The following LSAMP variants were observed in gnomAD, a reference collection of about 807,000 sequenced individuals.
The protein encoded by LSAMP is limbic system-associated membrane protein.
LSAMP carries 7 observed loss-of-function variants against 38.6 expected under a neutral mutation model. The ratio of observed to expected loss-of-function variants is 0.18; its 90% confidence interval spans 0.10 to 0.34. LSAMP has a LOEUF of 0.34. LSAMP is among the 10% of genes least tolerant of loss of function. The pLI is 1.00. For synonymous variants in LSAMP, 154 were observed against 166.8 expected (o/e 0.92, Z 0.59); for missense variants, 313 against 420.0 (o/e 0.75, Z 2.23).
At chr3:115,994,287 G>A (rs1939754938) in intron 3 of LSAMP, among the ~76,000 whole-genome samples, 1 of 152,050 alleles carries the variant, frequency 6.6e-6, no homozygotes, top group South Asian at 2.1e-4. Flanking sequence ...ACCACCTGGG[G>A]ATTTGTGAGG....
At chr3:115,837,120 C>T (rs902856185) in intron 6 of LSAMP, among the ~76,000 whole-genome samples, 4 of 152,122 alleles carry the variant, frequency 2.6e-5, no homozygotes, top group Admixed American at 2.6e-4. Context: ...TAATAAAATG[C>T]TTTTTAAAGA....
In LSAMP at chr3:115,810,286, T is replaced by C; in HGVS notation, c.*31A>G. ...ATTCTGTGTGACGCATTTTTGTGTG[T>C]TTTTTAAATTATTTTTAAATTTTTA... is the stretch of plus-strand genomic sequence containing the variant. On this transcript the variant is annotated 3_prime_UTR_variant, in exon 7 of 7. Transcript: ENST00000490035. 1 of 1,449,362 alleles carries C rather than the reference T, an allele frequency of 6.9e-7. No homozygotes were observed. The highest frequency in any genetic ancestry group is 2.5e-5 in the East Asian group (1 of 40,376). The allele number at this position is 1,449,362 out of a possible 1,614,324, so 89.8% of individuals were successfully genotyped here. A position where few individuals can be genotyped will look rare whatever the true frequency, so the allele number is the denominator to read the frequency against.
intron 1 of LSAMP, among the ~76,000 whole-genome samples, chr3:116,273,707 T>TATATATATACATACAC (rs1307543165): frequency 9.7e-6 from 1 of 102,648 alleles, no homozygotes; most frequent in Non-Finnish European, 1.8e-5. Flanking sequence ...TATATATATA[T>TATATATATACATACAC]ACACACACAC....
intron 2 of LSAMP, among the ~76,000 whole-genome samples, chr3:116,059,486 G>A (rs924830302): frequency 3.3e-5 from 5 of 152,030 alleles, no homozygotes; most frequent in East Asian, 1.9e-4. Context: ...TATCACCTTC[G>A]TTCTACTTTT....
At chr3:116,141,115 T>C (rs371299351) in intron 1 of LSAMP, among the ~76,000 whole-genome samples, 3 of 152,070 alleles carry the variant, frequency 2.0e-5, no homozygotes. Flanking sequence ...TAAAAATGTC[T>C]CATCTGCATT....
chr3:116,335,796 TAA>T (rs2047912689), intron 1 of LSAMP, among the ~76,000 whole-genome samples: 1 of 152,088 alleles, frequency 6.6e-6, no homozygotes, highest in Non-Finnish European at 1.5e-5. Context: ...TGTTTTATAA[TAA>T]AGTGTTGGAT....
chr3:116,200,874 A>G (rs978204341), intron 1 of LSAMP, among the ~76,000 whole-genome samples: 3 of 152,306 alleles, frequency 2.0e-5, no homozygotes, highest in Non-Finnish European at 4.4e-5. Flanking sequence ...GTAAATAAGC[A>G]TCCAAGCTCC....
Position 115,932,447 on chromosome 3 carries a change from T to C in LSAMP, c.515-79830A>G, listed in dbSNP as rs539876761. ...CGTTTTCTGGTGAGAAAGGGGAGTA[T>C]GTCATTCCAGGTAGTGGAAAAAATG... is the stretch of plus-strand genomic sequence containing the variant. On this transcript the variant is annotated intron_variant, in intron 3 of 6. Transcript: ENST00000490035. 2.0e-5 allele frequency among the ~76,000 whole-genome samples: 3 copies of C among 152,324 alleles called. No individual in the cohort carries two copies. In the East Asian group the frequency reaches 5.8e-4, roughly 29 times the overall value.
chr3:115,950,290 A>G (rs1938239595), intron 3 of LSAMP, among the ~76,000 whole-genome samples: 1 of 152,178 alleles, frequency 6.6e-6, no homozygotes, highest in African/African-American at 2.4e-5. Flanking sequence ...GAGGAAGTCA[A>G]ACTGGAGCTG....
chr3:116,175,013 T>C (rs1710303081), intron 1 of LSAMP, among the ~76,000 whole-genome samples: 1 of 152,124 alleles, frequency 6.6e-6, no homozygotes, highest in South Asian at 2.1e-4. Flanking sequence ...TCCATCAATA[T>C]GAGGACAAGT....
chr3:115,965,882 AAT>A (rs1160387000), intron 3 of LSAMP, among the ~76,000 whole-genome samples: 1 of 152,170 alleles, frequency 6.6e-6, no homozygotes, highest in Non-Finnish European at 1.5e-5. Flanking sequence ...TATGTAGAGA[AAT>A]ACAAATTATC....
intron 3 of LSAMP, among the ~76,000 whole-genome samples, chr3:116,003,524 TG>T (rs1269536663): frequency 6.6e-6 from 1 of 152,172 alleles, no homozygotes; most frequent in Non-Finnish European, 1.5e-5. Flanking sequence ...GGTTGAATAG[TG>T]GTCCCCCAAA....
At chr3:116,190,527 T>G (rs2107580718) in intron 1 of LSAMP, among the ~76,000 whole-genome samples, 1 of 152,304 alleles carries the variant, frequency 6.6e-6, no homozygotes, top group Middle Eastern at 3.4e-3. Flanking sequence ...ATCTGCATTT[T>G]AATGGGAATA....
At chr3:116,201,290 A>G (rs2045983419) in intron 1 of LSAMP, among the ~76,000 whole-genome samples, 1 of 152,208 alleles carries the variant, frequency 6.6e-6, no homozygotes, top group Non-Finnish European at 1.5e-5. Flanking sequence ...CAGCCAGTAC[A>G]GATTTAAACA....
At chr3:116,041,943 A>G (rs1046548721) in intron 2 of LSAMP, among the ~76,000 whole-genome samples, 1 of 152,112 alleles carries the variant, frequency 6.6e-6, no homozygotes, top group Non-Finnish European at 1.5e-5. Flanking sequence ...TTGGATGATT[A>G]ATTTATGCTT....
rs143116433 is a variant in LSAMP, at chr3:116,443,280, C to A, written c.155+1597G>T. 1.0e-3 allele frequency among the ~76,000 whole-genome samples: 156 copies of A among 152,282 alleles called. 2 individuals are homozygous for A. In the East Asian group the frequency reaches 0.025, roughly 25 times the overall value. ...CAAACAGATAAATTACTCTGTAAAT[C>A]TGATTACTCCATGTGGATAAATCAC... On this transcript the variant is annotated intron_variant, in intron 1 of 6. Transcript: ENST00000490035.
intron 1 of LSAMP, among the ~76,000 whole-genome samples, chr3:116,163,920 A>C (rs181598109): frequency 2.0e-5 from 3 of 152,342 alleles, no homozygotes; most frequent in African/African-American, 7.2e-5. Context: ...TGGAGTTTTC[A>C]AAATGCTTTT....
intron 1 of LSAMP, among the ~76,000 whole-genome samples, chr3:116,162,644 T>TTATA (rs142669732): frequency 1.8e-4 from 27 of 148,552 alleles, no homozygotes; most frequent in African/African-American, 6.4e-4. Flanking sequence ...TGTGTGTACA[T>TTATA]TATATATATA....
intron 1 of LSAMP, among the ~76,000 whole-genome samples, chr3:116,432,087 T>C (rs2107873523): frequency 6.6e-6 from 1 of 152,038 alleles, no homozygotes; most frequent in Middle Eastern, 3.4e-3. Flanking sequence ...AAATAAAACA[T>C]ACTAATCAAA....
Sources: gnomAD v4.1 joint callset for allele counts (sites outside exome capture counted in the v4.1 genomes callset) on GRCh38, gnomAD v4.1.1 for gene constraint, MANE v1.5 for transcripts, NCBI Gene and HGNC (gene_info 2026-07-23, HGNC 2026-07-21) for gene names.